The following CSMD1 variants were observed in gnomAD, a reference collection of about 807,000 sequenced individuals.
The protein encoded by CSMD1 is CUB and sushi domain-containing protein 1.
In CSMD1, 213 loss-of-function variants were observed where a neutral mutation model predicts 417.5. The observed-to-expected ratio is 0.51, with a 90% CI of 0.46 to 0.57. The LOEUF is 0.57. Among genes scored for constraint, CSMD1 ranks in the 20% least tolerant of loss-of-function variants. CSMD1 has a pLI of 0.00. For synonymous variants in CSMD1, 2,862 were observed against 1,736.8 expected (o/e 1.65, Z -16.11); for missense variants, 6,923 against 4,529.7 (o/e 1.53, Z -15.17).
At chr8:3,831,278 AGGGGAGCTGCCCT>A (rs1021849884) in intron 5 of CSMD1, among the ~76,000 whole-genome samples, 6 of 152,152 alleles carry the variant, frequency 3.9e-5, no homozygotes, top group African/African-American at 1.4e-4. Context: ...CCTGCTCGTC[AGGGGAGCTGCCCT>A]GGGGAGCTGT....
chr8:3,088,082 G>C (rs544106429), intron 48 of CSMD1, among the ~76,000 whole-genome samples: 17 of 152,142 alleles, frequency 1.1e-4, no homozygotes, highest in Non-Finnish European at 1.9e-4. Flanking sequence ...GCATTCTCTT[G>C]AGTCAATTAC....
At position 4,898,081 on chromosome 8, in the gene CSMD1, G is replaced by C. The variant is rs981476046; in HGVS notation, c.85+96251C>G. Among the ~76,000 whole-genome samples the C allele has an allele frequency of 1.3e-5, 2 of 151,988 alleles. 1 individual carries two copies. The highest frequency in any genetic ancestry group is 4.8e-5 in the African/African-American group (2 of 41,336). On this transcript the variant is annotated intron_variant, in intron 1 of 69. Coordinates refer to ENST00000635120, the MANE Select transcript of CSMD1 (RefSeq NM_033225.6). ...TTATTAGTTGGAAATATTTAGAAAT[G>C]GATTATTGGTTAAATGAAGCAAACG... is the stretch of plus-strand genomic sequence containing the variant.
At chr8:3,160,851 T>C (rs1819845538) in intron 38 of CSMD1, among the ~76,000 whole-genome samples, 1 of 152,228 alleles carries the variant, frequency 6.6e-6, no homozygotes. Context: ...TGCACCCCTT[T>C]AGCATTCAGC....
chr8:3,751,443 A>G (rs1000088977), intron 6 of CSMD1, among the ~76,000 whole-genome samples: 2 of 146,854 alleles, frequency 1.4e-5, no homozygotes, highest in African/African-American at 4.9e-5. Flanking sequence ...CAGTTTATAC[A>G]TATAAATGTT....
rs1221932986 is a variant in CSMD1 at position 4,951,371 on chromosome 8, TC to T, written c.85+42960del. Among the ~76,000 whole-genome samples, 3 of 151,986 alleles carry T rather than the reference TC, an allele frequency of 2.0e-5. No homozygotes were observed. The East Asian group carries it at 5.8e-4, about 29-fold the overall frequency. Reference sequence around the variant, plus strand: ...ATCTCTGCTCTTAATTGCTAATTATTCTAGCCAGTCAGGATCAGAGGTGTGA... The same window carrying T: ...ATCTCTGCTCTTAATTGCTAATTATTTAGCCAGTCAGGATCAGAGGTGTGA... On this transcript the variant is annotated intron_variant, in intron 1 of 69. Transcript: ENST00000635120.
chr8:4,433,003 C>G (rs761820520), intron 2 of CSMD1, among the ~76,000 whole-genome samples: 1 of 152,240 alleles, frequency 6.6e-6, no homozygotes, highest in East Asian at 1.9e-4. Context: ...GCATTACATT[C>G]CCACAGGAGC....
intron 27 of CSMD1, among the ~76,000 whole-genome samples, chr8:3,227,759 T>G (rs1260737188): frequency 6.6e-6 from 1 of 151,808 alleles, no homozygotes; most frequent in Non-Finnish European, 1.5e-5. Context: ...GTTGTCATTT[T>G]AAAACTTTTT....
chr8:4,207,931 T>C (rs1800080613), intron 3 of CSMD1, among the ~76,000 whole-genome samples: 1 of 152,282 alleles, frequency 6.6e-6, no homozygotes, highest in African/African-American at 2.4e-5. Flanking sequence ...ATAGTCTATT[T>C]CTTCCATGCC....
chr8:3,961,775 T>G (rs1812342451), intron 5 of CSMD1, among the ~76,000 whole-genome samples: 1 of 152,192 alleles, frequency 6.6e-6, no homozygotes, highest in South Asian at 2.1e-4. Context: ...GCATCAGCTT[T>G]GATAATGGTG....
chr8:3,240,289 G>A (rs1027139540), intron 26 of CSMD1, among the ~76,000 whole-genome samples: 4 of 152,180 alleles, frequency 2.6e-5, no homozygotes, highest in Admixed American at 2.6e-4. Flanking sequence ...TCAAGGAACG[G>A]AAAGAGGAGT....
At chr8:4,455,590 G>A (rs557747097) in intron 2 of CSMD1, among the ~76,000 whole-genome samples, 8 of 152,066 alleles carry the variant, frequency 5.3e-5, no homozygotes, top group South Asian at 2.1e-4. Flanking sequence ...TTGACAAATT[G>A]TGAATTTTTA....
rs146259129 is a variant in CSMD1 at position 3,997,068 on chromosome 8, C to T, written c.818+835G>A. Among the ~76,000 whole-genome samples the T allele has an allele frequency of 1.1e-3, 164 of 152,302 alleles. 1 individual carries two copies. Among genetic ancestry groups the T allele is most frequent in the East Asian group, 2.1e-3 (11 of 5,188 alleles). ...GTGTCTACCTGAGTTTCAACATACC[C>T]ATTCTTGTTTAGTCATATTTCAAGA... On this transcript the variant is annotated intron_variant, in intron 5 of 69. Transcript: ENST00000635120.
At chr8:4,071,941 G>A (rs948093063) in intron 3 of CSMD1, among the ~76,000 whole-genome samples, 3 of 152,174 alleles carry the variant, frequency 2.0e-5, no homozygotes, top group Admixed American at 1.3e-4. Context: ...AGAACCTGCA[G>A]CCACAGTGTG....
At chr8:3,724,039 A>G (rs1048413647) in intron 6 of CSMD1, among the ~76,000 whole-genome samples, 2 of 54,102 alleles carry the variant, frequency 3.7e-5, no homozygotes, top group South Asian at 1.1e-3. Flanking sequence ...TCAACTTTCT[A>G]TCTGTGTAAA....
intron 2 of CSMD1, among the ~76,000 whole-genome samples, chr8:4,507,476 T>C (rs1585179479): frequency 6.6e-6 from 1 of 152,300 alleles, no homozygotes; most frequent in South Asian, 2.1e-4. Flanking sequence ...TGATTACAAA[T>C]AAGTAAAATA....
At chr8:4,151,724 G>C (rs1452003998) in intron 3 of CSMD1, among the ~76,000 whole-genome samples, 1 of 152,204 alleles carries the variant, frequency 6.6e-6, no homozygotes, top group African/African-American at 2.4e-5. Flanking sequence ...TAAATTAACA[G>C]CGGGTAAATA....
chr8:4,449,867 C>A (rs1799031532), intron 2 of CSMD1, among the ~76,000 whole-genome samples: 3 of 152,162 alleles, frequency 2.0e-5, no homozygotes, highest in Non-Finnish European at 4.4e-5. Context: ...CACCCAGTTT[C>A]TTTACTTAGC....
Position 3,029,485 on chromosome 8 carries a change from C to G in CSMD1, c.7689G>C (p.Gln2563His), listed in dbSNP as rs773508877. 3.1e-5 allele frequency: 49 copies of G among 1,603,056 alleles called. No homozygotes were observed. The highest frequency in any genetic ancestry group is 3.7e-5 in the Non-Finnish European group (44 of 1,174,838). Residue 2563 changes from glutamine (Q) to histidine (H), a missense_variant, in exon 51 of 70, where the codon CAG (glutamine) becomes CAC (histidine). By Grantham distance (24) the Gln-to-His change is conservative. Coordinates refer to ENST00000635120, the MANE Select transcript of CSMD1 (RefSeq NM_033225.6). ...KPVACPSIEA[Q>H]LSEHVIWRLV... ...GCCTCCAGATGACATGTTCTGAGAG[C>G]TGAGCTTCAATGCTGGGGCAAGCGA...
At chr8:3,881,255 T>C (rs1192832202) in intron 5 of CSMD1, among the ~76,000 whole-genome samples, 2 of 53,524 alleles carry the variant, frequency 3.7e-5, no homozygotes, top group Non-Finnish European at 6.8e-5. Flanking sequence ...TTTGTTTCTT[T>C]GTTTTTTGCT....
Sources: gnomAD v4.1 joint callset for allele counts (sites outside exome capture counted in the v4.1 genomes callset) on GRCh38, gnomAD v4.1.1 for gene constraint, MANE v1.5 for transcripts, NCBI Gene and HGNC (gene_info 2026-07-23, HGNC 2026-07-21) for gene names.